The following VPS13D variants were observed in gnomAD, a reference collection of about 807,000 sequenced individuals.
VPS13D encodes intermembrane lipid transfer protein VPS13D.
In VPS13D, 187 loss-of-function variants were observed where a neutral mutation model predicts 461.9. That is an observed-to-expected ratio of 0.40 (90% CI 0.36 to 0.46). The LOEUF is 0.46. VPS13D is among the 20% of genes least tolerant of loss of function. VPS13D has a pLI of 0.60. For missense variants in VPS13D, 4,711 were observed against 5,364.9 expected (o/e 0.88, Z 3.81); for synonymous variants, 1,951 against 1,986.3 (o/e 0.98, Z 0.47).
chr1:12,500,959 TG>T (rs952605554), intron 68 of VPS13D, among the ~76,000 whole-genome samples: 2 of 151,616 alleles, frequency 1.3e-5, no homozygotes, highest in Admixed American at 6.6e-5. Flanking sequence ...GAAGCTGAGG[TG>T]GGAGGATGGT....
chr1:12,361,257 T>A (rs1643942509), intron 50 of VPS13D, among the ~76,000 whole-genome samples: 1 of 152,084 alleles, frequency 6.6e-6, no homozygotes, highest in Non-Finnish European at 1.5e-5. Flanking sequence ...CTATGATAAA[T>A]ATTTTTATCA....
chr1:12,244,728 G>A, intron 5 of VPS13D, 111 bp downstream of exon 5: 4 of 1,015,494 alleles, frequency 3.9e-6, no homozygotes, highest in Non-Finnish European at 5.9e-6. Flanking sequence ...GATCTAGGGT[G>A]TAGATGGGGC....
In VPS13D at chr1:12,339,133, A is replaced by G. The variant is rs554414869; in HGVS notation, c.8626+828A>G. ...TTTCTGGACAATTTTACCAGGGTGG[A>G]TGTTTGAGGGAGGGCTCACAAAGAA... On this transcript the variant is annotated intron_variant, in intron 40 of 69. Coordinates refer to ENST00000620676, the MANE Select transcript of VPS13D (RefSeq NM_015378.4). 4.6e-5 allele frequency among the ~76,000 whole-genome samples: 7 copies of G among 151,762 alleles called. No homozygotes were observed. In the East Asian group the frequency reaches 1.2e-3, roughly 25 times the overall value.
chr1:12,288,279 T>C lies in VPS13D; in HGVS notation c.5691T>C (p.Asn1897=). ...NKTTSELAKA[N]VSKLVAHLEM... The stretch of plus-strand genomic sequence containing the variant: ...CCACCAGTGAGCTTGCCAAAGCAAA[T>C]GTGTCCAAATTAGTAGCACACCTGG... The change falls in exon 22 of 70, where the codon AAT becomes AAC. Residue 1897 remains asparagine, a synonymous_variant. Transcript: ENST00000620676. 6.2e-7 allele frequency: 1 copy of C among 1,614,166 alleles called. No individual in the cohort carries two copies. The highest frequency in any genetic ancestry group is 8.5e-7 in the Non-Finnish European group (1 of 1,179,990).
intron 33 of VPS13D, 86 bp from the exon 34 acceptor site, chr1:12,322,450 T>C (rs1477538062): frequency 1.5e-6 from 2 of 1,349,746 alleles, no homozygotes; most frequent in African/African-American, 1.5e-5. Context: ...CTTTTAGAAG[T>C]TGAAATAGGA....
rs1476804315 is a variant in VPS13D, at chr1:12,271,114, G to A, written c.2093G>A (p.Gly698Asp). ...IRQTLDRLLV[G>D]DFIEESKRWT... ...CAAACTCTTGATCGTTTGCTAGTGGGTGATTTCATTGTAAGTGGGCATCCA... is the reference window on the plus strand; with the variant it reads ...CAAACTCTTGATCGTTTGCTAGTGGATGATTTCATTGTAAGTGGGCATCCA... The change falls in exon 17 of 70, where the codon GGT becomes GAT. Residue 698 changes from glycine (G) to aspartate (D), a missense_variant. Transcript: ENST00000620676. 6.2e-7 allele frequency: 1 copy of A among 1,614,016 alleles called. No homozygotes were observed. The highest frequency in any genetic ancestry group is 1.1e-5 in the South Asian group (1 of 91,078).
intron 50 of VPS13D, among the ~76,000 whole-genome samples, chr1:12,360,646 G>A (rs1397661649): frequency 6.6e-6 from 1 of 152,122 alleles, no homozygotes; most frequent in Non-Finnish European, 1.5e-5. Context: ...AAGCTTCTCT[G>A]CATGTCACAG....
In VPS13D at chr1:12,467,759, A is replaced by G. The variant is rs115131045; in HGVS notation, c.12662+7363A>G. ...GCCTTTCCATTTCTGAAATCCCAAG[A>G]GTCATTTTTATGCAAGATTATCTGT... On this transcript the variant is annotated intron_variant, in intron 67 of 69. Transcript: ENST00000620676. 7.4e-3 allele frequency among the ~76,000 whole-genome samples: 1,124 copies of G among 152,220 alleles called. 12 individuals carry two copies. Among genetic ancestry groups the G allele is most frequent in the African/African-American group, 0.025 (1,018 of 41,518 alleles).
intron 14 of VPS13D, among the ~76,000 whole-genome samples, chr1:12,267,496 C>G (rs930184140): frequency 6.6e-6 from 1 of 152,112 alleles, no homozygotes; most frequent in Non-Finnish European, 1.5e-5. Flanking sequence ...TAGTTAACCC[C>G]TTATTCTGTC....
Position 12,291,035 on chromosome 1 carries a change from G to C in VPS13D, c.5763G>C (p.Leu1921=). 1 of 1,614,050 alleles carries C rather than the reference G, an allele frequency of 6.2e-7. No individual in the cohort carries two copies. The change falls in exon 23 of 70, where the codon CTG becomes CTC. Residue 1921 remains leucine, a synonymous_variant. Transcript: ENST00000620676. ...CCTTACAGGGCAGCATTGGGAGTCT[G>C]TCTCTAAGTGACCTCACATGCCATG... ...DLALQGSIGS[L]SLSDLTCHGE... is the part of the protein sequence containing the mutation.
intron 56 of VPS13D, 86 bp downstream of exon 56, chr1:12,378,677 A>T: frequency 7.6e-7 from 1 of 1,320,456 alleles, no homozygotes; most frequent in Non-Finnish European, 1.0e-6. Context: ...TAAGAGTTCT[A>T]TAAATAAAGT....
chr1:12,376,253 GTA>G (rs1644197474), intron 55 of VPS13D, among the ~76,000 whole-genome samples: 1 of 152,244 alleles, frequency 6.6e-6, no homozygotes, highest in African/African-American at 2.4e-5. Context: ...AGAGGAGGCA[GTA>G]GCACACAGCA....
chr1:12,318,840 G>A (rs1213793732), intron 31 of VPS13D, among the ~76,000 whole-genome samples: 1 of 152,134 alleles, frequency 6.6e-6, no homozygotes, highest in Non-Finnish European at 1.5e-5. Flanking sequence ...ATGTATTTGT[G>A]TATTTATTGT....
At chr1:12,497,387 A>G in intron 67 of VPS13D, 113 bp from the exon 68 acceptor site, 7 of 1,322,662 alleles carry the variant, frequency 5.3e-6, no homozygotes, top group Non-Finnish European at 7.2e-6. Flanking sequence ...AATTCTGTTC[A>G]CTAAATGTAA....
intron 5 of VPS13D, among the ~76,000 whole-genome samples, chr1:12,246,895 GGGTT>G (rs1336100670): frequency 1.3e-5 from 2 of 152,160 alleles, no homozygotes; most frequent in East Asian, 1.9e-4. Context: ...CTGGACATTT[GGGTT>G]GGTTCTCCTT....
chr1:12,261,905 TGAG>T lies in VPS13D; in HGVS notation c.1423_1425del (p.Glu475del). 1.2e-6 allele frequency: 2 copies of T among 1,608,714 alleles called. No individual in the cohort carries two copies. Among genetic ancestry groups the T allele is most frequent in the Non-Finnish European group, 1.7e-6 (2 of 1,176,342 alleles). On this transcript the variant is annotated inframe_deletion, in exon 13 of 70. Coordinates refer to ENST00000620676, the MANE Select transcript of VPS13D (RefSeq NM_015378.4). ...CTTTTCTCCCTTACCATTTAGGCAC[TGAG>T]GAGTTTTTTGACCCCACTGCAGATG...
intron 67 of VPS13D, among the ~76,000 whole-genome samples, chr1:12,488,236 G>A (rs1645827879): frequency 6.6e-6 from 1 of 152,228 alleles, no homozygotes; most frequent in Non-Finnish European, 1.5e-5. Context: ...AATAAAGGTA[G>A]GAAAGAGGGA....
At chr1:12,474,116 A>C (rs1645598785) in intron 67 of VPS13D, among the ~76,000 whole-genome samples, 1 of 152,162 alleles carries the variant, frequency 6.6e-6, no homozygotes, top group Non-Finnish European at 1.5e-5. Flanking sequence ...TTATGTAGCA[A>C]ATGTCTCCAA....
Position 12,510,552 on chromosome 1 carries a change from T to TGC in VPS13D, c.*1529_*1530insCG, listed in dbSNP as rs1372009252. 5.3e-5 allele frequency: 8 copies of TGC among 152,274 alleles called. No homozygotes were observed. The highest frequency in any genetic ancestry group is 2.0e-4 in the African/African-American group (8 of 40,282). The allele number at this position is 152,274 out of a possible 1,614,324, so 9.4% of individuals were successfully genotyped here. On this transcript the variant is annotated 3_prime_UTR_variant, in exon 70 of 70. Transcript: ENST00000620676. Reference sequence around the variant, plus strand: ...GTGTGTGTGTGTGTGTGTGTGTGTGTGTGCGCGCGCGCGCGTGCATGCAGA... The same window carrying TGC: ...GTGTGTGTGTGTGTGTGTGTGTGTGTGCGTGCGCGCGCGCGCGTGCATGCAGA...
Sources: gnomAD v4.1 joint callset for allele counts (sites outside exome capture counted in the v4.1 genomes callset) on GRCh38, gnomAD v4.1.1 for gene constraint, MANE v1.5 for transcripts, NCBI Gene and HGNC (gene_info 2026-07-23, HGNC 2026-07-21) for gene names.